ATP10B: variants seen among roughly 807,000 people sequenced by gnomAD.
ATP10B encodes phospholipid-transporting ATPase VB.
Under a neutral mutation model 141.2 loss-of-function variants are expected in ATP10B, and 122 were observed. The observed-to-expected ratio is 0.86, with a 90% CI of 0.75 to 1.00. The LOEUF is 1.00. Ranked by LOEUF, ATP10B falls within the 50% of genes least tolerant of loss-of-function variation. The probability of loss-of-function intolerance (pLI) is 0.00; values close to 1 mark genes in which losing one functional copy is unlikely to be tolerated. For missense variants in ATP10B, 1,876 were observed against 1,825.3 expected (o/e 1.03, Z -0.51); for synonymous variants, 685 against 692.0 (o/e 0.99, Z 0.16).
intron 1 of ATP10B, among the ~76,000 whole-genome samples, chr5:160,840,775 A>T (rs896635418): frequency 6.6e-6 from 1 of 152,184 alleles, no homozygotes; most frequent in African/African-American, 2.4e-5. Flanking sequence ...ATCATTCTAT[A>T]GCAAAATGAA....
At chr5:160,901,409 G>C in the ATP10B span, among the ~76,000 whole-genome samples, 1 of 152,136 alleles carries the variant, frequency 6.6e-6, no homozygotes, top group Non-Finnish European at 1.5e-5. Flanking sequence ...AGTAGCTAAG[G>C]ATTCATTCAT....
chr5:160,817,838 A>T (rs1452848622), intron 1 of ATP10B, among the ~76,000 whole-genome samples: 1 of 152,202 alleles, frequency 6.6e-6, no homozygotes, highest in Non-Finnish European at 1.5e-5. Flanking sequence ...CCTCAGAAAT[A>T]ATGCCGCATA....
chr5:160,583,974 G>A (rs1320120244), intron 24 of ATP10B, among the ~76,000 whole-genome samples: 2 of 152,156 alleles, frequency 1.3e-5, no homozygotes, highest in African/African-American at 4.8e-5. Flanking sequence ...CTCCATGGGG[G>A]TGGGATCTGC....
chr5:160,773,130 G>C (rs1414968620), intron 2 of ATP10B, among the ~76,000 whole-genome samples: 2 of 152,202 alleles, frequency 1.3e-5, no homozygotes, highest in Non-Finnish European at 2.9e-5. Context: ...TAGGGCATGT[G>C]TTAGTGGGTG....
At chr5:160,634,067 A>C in intron 12 of ATP10B, 2 of 471,400 alleles carry the variant, frequency 4.2e-6, no homozygotes, top group East Asian at 4.3e-5. Flanking sequence ...GCTGACAGAT[A>C]AAAAACTCGT....
the ATP10B span, among the ~76,000 whole-genome samples, chr5:160,872,226 C>A: frequency 6.6e-6 from 1 of 152,006 alleles, no homozygotes; most frequent in Non-Finnish European, 1.5e-5. Flanking sequence ...AGCCCATTTT[C>A]TGATGGGATT....
At chr5:160,880,769 T>G in the ATP10B span, among the ~76,000 whole-genome samples, 1 of 152,198 alleles carries the variant, frequency 6.6e-6, no homozygotes, top group Non-Finnish European at 1.5e-5. Context: ...GCACAGATCT[T>G]ACATCTTTCA....
At chr5:160,652,927 T>TTATATATACATGTATATATAATATATTA (rs1334250974) in intron 7 of ATP10B, among the ~76,000 whole-genome samples, 1 of 82,034 alleles carries the variant, frequency 1.2e-5, no homozygotes, top group Non-Finnish European at 2.1e-5. Flanking sequence ...ATATAATATA[T>TTATATATACATGTATATATAATATATTA]TATATATACA....
intron 2 of ATP10B, among the ~76,000 whole-genome samples, chr5:160,765,444 AC>A (rs1196193017): frequency 6.6e-6 from 1 of 152,154 alleles, no homozygotes; most frequent in Non-Finnish European, 1.5e-5. Flanking sequence ...GACAAAGCAA[AC>A]AAAAACATAA....
intron 7 of ATP10B, among the ~76,000 whole-genome samples, chr5:160,663,725 C>T (rs1762132102): frequency 6.6e-6 from 1 of 151,918 alleles, no homozygotes; most frequent in African/African-American, 2.4e-5. Context: ...ACCAACATGG[C>T]ACATGTATAC....
intron 1 of ATP10B, among the ~76,000 whole-genome samples, chr5:160,790,417 C>T (rs764120924): frequency 1.3e-5 from 2 of 152,142 alleles, no homozygotes; most frequent in Non-Finnish European, 2.9e-5. Context: ...TTCACATCTA[C>T]CTGAGAAAAC....
the ATP10B span, among the ~76,000 whole-genome samples, chr5:160,886,544 C>T: frequency 7.2e-5 from 11 of 152,190 alleles, no homozygotes; most frequent in South Asian, 1.7e-3. Flanking sequence ...CTTAAAAACC[C>T]GGCAAGGTCA....
Position 160,564,129 on chromosome 5 carries a change from G to GACTCACCA in ATP10B, c.*1316_*1323dup, listed in dbSNP as rs996743337. 3 of 152,192 alleles carry GACTCACCA rather than the reference G, an allele frequency of 2.0e-5. No individual in the cohort carries two copies. Among genetic ancestry groups the GACTCACCA allele is most frequent in the African/African-American group, 7.2e-5 (3 of 41,454 alleles). 9.4% of individuals were successfully genotyped at this position (152,192 alleles called of 1,614,324 possible). A position where few individuals can be genotyped will look rare whatever the true frequency, so the allele number is the denominator to read the frequency against. Reference sequence around the variant, plus strand: ...TGGTGGCATGACTCGTAGGCTCAAAGACTCACCACACTTATTGCATCTATT... The same window carrying GACTCACCA: ...TGGTGGCATGACTCGTAGGCTCAAAGACTCACCAACTCACCACACTTATTGCATCTATT... On this transcript the variant is annotated 3_prime_UTR_variant, in exon 26 of 26. Coordinates refer to ENST00000327245, the MANE Select transcript of ATP10B (RefSeq NM_025153.3).
intron 1 of ATP10B, among the ~76,000 whole-genome samples, chr5:160,818,656 C>T (rs1398494457): frequency 1.3e-5 from 2 of 152,150 alleles, no homozygotes; most frequent in African/African-American, 2.4e-5. Flanking sequence ...TGGGTATATA[C>T]CCAAAGGATT....
At chr5:160,652,940 TATATATAATATATTATATATAC>T in intron 7 of ATP10B, among the ~76,000 whole-genome samples, 1 of 82,398 alleles carries the variant, frequency 1.2e-5, no homozygotes, top group Non-Finnish European at 2.1e-5. Flanking sequence ...TATATACATG[TATATATAATATATTATATATAC>T]ATGTATATAT....
chr5:160,829,187 C>T (rs1347618292), intron 1 of ATP10B, among the ~76,000 whole-genome samples: 2 of 151,378 alleles, frequency 1.3e-5, no homozygotes, highest in Non-Finnish European at 2.9e-5. Context: ...TGCACATGTA[C>T]CCTAAAACTT....
chr5:160,767,807 T>C (rs1323996696), intron 2 of ATP10B, among the ~76,000 whole-genome samples: 1 of 152,152 alleles, frequency 6.6e-6, no homozygotes, highest in East Asian at 1.9e-4. Flanking sequence ...GGCAATTGCA[T>C]GAGAAAGCTG....
Position 160,622,556 on chromosome 5 carries a change from T to C in ATP10B, c.1650A>G (p.Leu550=). Residue 550 remains leucine, a synonymous_variant, in exon 14 of 26, where the codon CTA becomes CTG. Coordinates refer to ENST00000327245, the MANE Select transcript of ATP10B (RefSeq NM_025153.3). The part of the protein sequence containing the change: ...IEKDVTPDKN[L]LTKVRDAALW... ...GGGCAGCATCTCGAACCTTGGTCAG[T>C]AGGTTTTTATCTGGAGTTACATCTT... 2 of 1,613,180 alleles carry C rather than the reference T, an allele frequency of 1.2e-6. No homozygotes were observed. The highest frequency in any genetic ancestry group is 1.7e-6 in the Non-Finnish European group (2 of 1,179,690).
chr5:160,758,335 G>A lies in ATP10B; in HGVS notation c.-331+27224C>T, dbSNP rs1039100521. ...ACAGGTTCCTGTGAAGATGAAATGA[G>A]GTAACACACATACAGCCCTCTGAAC... On this transcript the variant is annotated intron_variant, in intron 2 of 25. Coordinates refer to ENST00000327245, the MANE Select transcript of ATP10B (RefSeq NM_025153.3). 2.6e-5 allele frequency among the ~76,000 whole-genome samples: 4 copies of A among 152,112 alleles called. No individual in the cohort carries two copies. The South Asian group carries it at 6.2e-4, about 24-fold the overall frequency.
Sources: allele counts gnomAD v4.1 joint callset (sites outside exome capture counted in the v4.1 genomes callset), GRCh38; gene constraint gnomAD v4.1.1; transcripts MANE v1.5; gene names NCBI Gene and HGNC (gene_info 2026-07-23, HGNC 2026-07-21).